Variants in CEP290 observed in about 807,000 individuals in gnomAD.
CEP290 encodes the protein centrosomal protein 290.
In CEP290, 317 loss-of-function variants were observed where a neutral mutation model predicts 344.9. The ratio of observed to expected loss-of-function variants is 0.92; its 90% confidence interval spans 0.84 to 1.01. The LOEUF is 1.01. Among genes scored for constraint, CEP290 ranks in the 50% least tolerant of loss-of-function variants. The probability of loss-of-function intolerance (pLI) is 0.00; values close to 1 mark genes in which losing one functional copy is unlikely to be tolerated. For missense variants in CEP290, 2,754 were observed against 2,761.4 expected (o/e 1.00, Z 0.06); for synonymous variants, 932 against 895.8 (o/e 1.04, Z -0.72).
In CEP290 at chr12:88,115,202, TA is replaced by T; in HGVS notation, c.1825-21del. The stretch of plus-strand genomic sequence containing the variant: ...TTCATTCTGAAAAAAGCAGAGAGAA[TA>T]AAATTGATTTTTTTCAACAAAATAT... On this transcript the variant is annotated intron_variant, in intron 18 of 53. Coordinates refer to ENST00000552810, the MANE Select transcript of CEP290 (RefSeq NM_025114.4). The T allele has an allele frequency of 7.9e-7, 1 of 1,266,736 alleles. No homozygotes were observed. The highest frequency in any genetic ancestry group is 1.4e-5 in the South Asian group (1 of 71,880). The allele number at this position is 1,266,736 out of a possible 1,614,324, so 78.5% of individuals were successfully genotyped here.
Position 88,089,183 on chromosome 12 carries a change from A to C in CEP290, c.3878T>G (p.Leu1293Arg). Residue 1293 changes from leucine to arginine, a missense_variant, in exon 31 of 54, where the codon CTA (leucine) becomes CGA (arginine). Leu to Arg is a moderately radical substitution (Grantham distance 102). Coordinates refer to ENST00000552810, the MANE Select transcript of CEP290 (RefSeq NM_025114.4). ...CATTATCTTAAGTTTGTCATTTTGTAGTTGAATCATTGTTTTGGAGAACTT... is the reference window on the plus strand; with the variant it reads ...CATTATCTTAAGTTTGTCATTTTGTCGTTGAATCATTGTTTTGGAGAACTT... ...QEKFSKTMIQ[L>R]QNDKLKIMQE... is the part of the protein sequence containing the mutation. The C allele has an allele frequency of 3.7e-6, 6 of 1,612,682 alleles. 1 individual carries two copies. The Middle Eastern group carries it at 8.3e-4, about 222-fold the overall frequency.
intron 26 of CEP290, among the ~76,000 whole-genome samples, chr12:88,098,195 C>G (rs995569231): frequency 2.0e-5 from 3 of 151,830 alleles, no homozygotes; most frequent in African/African-American, 7.3e-5. Context: ...ATCCCAGCTA[C>G]TCAGGAGACT....
intron 43 of CEP290, among the ~76,000 whole-genome samples, chr12:88,070,645 T>G (rs1592779631): frequency 6.6e-6 from 1 of 152,250 alleles, no homozygotes; most frequent in Admixed American, 6.5e-5. Context: ...CGTTTTTTTC[T>G]TCCTCTTTCT....
rs1565821736 is a variant in CEP290, at chr12:88,077,316, CT to C, written c.5614del (p.Ser1872ValfsTer2). On this transcript the variant is annotated frameshift_variant, in exon 41 of 54. Transcript: ENST00000552810. LOFTEE classifies it high-confidence loss of function. ...QGKPLTDNKQ[S>X]LIEELQRKVK... ...TTTCCTTTGGAGTTCTTCAATTAGA[CT>C]TTGTTTATTATCTGTCAGGGGTTTG... 6 of 1,579,692 alleles carry C rather than the reference CT, an allele frequency of 3.8e-6. No homozygotes were observed. In the Admixed American group the frequency reaches 1.1e-4, roughly 28 times the overall value.
At chr12:88,097,610 TACAC>T (rs34989046) in intron 26 of CEP290, among the ~76,000 whole-genome samples, 3,788 of 144,302 alleles carry the variant, frequency 0.026, 81 homozygotes, top group African/African-American at 0.062. Flanking sequence ...CACACACACA[TACAC>T]ACACACACAC....
intron 23 of CEP290, among the ~76,000 whole-genome samples, chr12:88,107,611 CAA>C (rs1202005069): frequency 6.8e-4 from 81 of 119,770 alleles, no homozygotes; most frequent in Admixed American, 7.9e-4. Flanking sequence ...GTTCTTAGTG[CAA>C]AAAAAAAAAA....
Position 88,063,922 on chromosome 12 carries a change from T to C in CEP290, c.6270+59A>G. 3 of 1,407,808 alleles carry C rather than the reference T, an allele frequency of 2.1e-6. No homozygotes were observed. In the South Asian group the frequency reaches 4.2e-5, roughly 20 times the overall value. The allele number at this position is 1,407,808 out of a possible 1,614,324, so 87.2% of individuals were successfully genotyped here. On this transcript the variant is annotated intron_variant, in intron 45 of 53. Coordinates refer to ENST00000552810, the MANE Select transcript of CEP290 (RefSeq NM_025114.4). ...CTTAATAAGCTAATAAAAGTAAACA[T>C]AACAACTAAGGAAGGAGTTTTAGGC...
In CEP290 at chr12:88,138,435, C is replaced by T. The variant is rs940643520; in HGVS notation, c.297+710G>A. 3.9e-5 allele frequency among the ~76,000 whole-genome samples: 6 copies of T among 152,164 alleles called. No homozygotes were observed. In the South Asian group the frequency reaches 6.2e-4, roughly 16 times the overall value. On this transcript the variant is annotated intron_variant, in intron 5 of 53. Transcript: ENST00000552810. ...TCAAAAACAATAGGTCATCCAAGTT[C>T]AGAGAGTTAACGAGTAGAAGAATCA...
intron 17 of CEP290, 112 bp from the exon 18 acceptor site, chr12:88,117,257 G>C: frequency 1.7e-6 from 1 of 578,288 alleles, no homozygotes; most frequent in East Asian, 3.3e-5. Flanking sequence ...TAGAATAATT[G>C]TTTCCAAAAT....
intron 45 of CEP290, among the ~76,000 whole-genome samples, 197 bp from the exon 46 acceptor site, chr12:88,062,975 G>A (rs2136789884): frequency 6.6e-6 from 1 of 152,036 alleles, no homozygotes. Context: ...GAAATGTCAA[G>A]GTATTTCCCA....
chr12:88,114,410 A>G lies in CEP290; in HGVS notation c.2052+10T>C. ...AGGGGAAAAACATTAACATGAAAAA[A>G]ATAACTTACATTAACTAGTCTTTCA... On this transcript the variant is annotated intron_variant, in intron 20 of 53. Transcript: ENST00000552810. 1 of 1,536,442 alleles carries G rather than the reference A, an allele frequency of 6.5e-7. No homozygotes were observed. The highest frequency in any genetic ancestry group is 8.8e-7 in the Non-Finnish European group (1 of 1,141,066).
intron 48 of CEP290, 53 bp from the exon 49 acceptor site, chr12:88,059,073 T>C (rs2034250125): frequency 1.8e-5 from 25 of 1,391,556 alleles, no homozygotes; most frequent in Non-Finnish European, 2.3e-5. Context: ...ACTGTTCTCA[T>C]AGATTCAGTG....
intron 13 of CEP290, among the ~76,000 whole-genome samples, chr12:88,123,870 C>T (rs1018803888): frequency 2.6e-5 from 4 of 152,062 alleles, no homozygotes; most frequent in African/African-American, 4.8e-5. Flanking sequence ...ACCTGCTCTT[C>T]CCACAACCCC....
rs763652148 is a variant in CEP290 at position 88,061,066 on chromosome 12, A to G, written c.6358-72T>C. 9 of 1,111,176 alleles carry G rather than the reference A, an allele frequency of 8.1e-6. No individual in the cohort carries two copies. In the African/African-American group the frequency reaches 1.1e-4, roughly 14 times the overall value. 68.8% of individuals were successfully genotyped at this position (1,111,176 alleles called of 1,614,324 possible). A position where few individuals can be genotyped will look rare whatever the true frequency, so the allele number is the denominator to read the frequency against. On this transcript the variant is annotated intron_variant, in intron 46 of 53. Transcript: ENST00000552810. ...TAATACGAAGTACCAACAATACAAC[A>G]GGCTTATTATACTCAATAATTCCTA...
intron 7 of CEP290, among the ~76,000 whole-genome samples, chr12:88,130,915 C>G (rs1178530545): frequency 6.6e-6 from 1 of 151,906 alleles, no homozygotes; most frequent in East Asian, 1.9e-4. Context: ...AGAAAACTAG[C>G]AAAGAATGGC....
At chr12:88,069,685 T>A (rs2035217559) in intron 43 of CEP290, among the ~76,000 whole-genome samples, 2 of 152,180 alleles carry the variant, frequency 1.3e-5, no homozygotes, top group African/African-American at 4.8e-5. Context: ...CATGAGAGTG[T>A]TCGTTTAAAT....
At chr12:88,092,109 T>G (rs940482899) in intron 29 of CEP290, among the ~76,000 whole-genome samples, 3 of 152,140 alleles carry the variant, frequency 2.0e-5, no homozygotes, top group East Asian at 3.9e-4. Flanking sequence ...ATATATATTT[T>G]GTGTTCTAAA....
chr12:88,107,806 G>A (rs2038397038), intron 23 of CEP290, among the ~76,000 whole-genome samples: 1 of 151,832 alleles, frequency 6.6e-6, no homozygotes, highest in African/African-American at 2.4e-5. Flanking sequence ...GGAGGCTGAG[G>A]CAAGAAAATA....
rs137896968 is a variant in CEP290, at chr12:88,137,660, C to A, written c.298-874G>T. On this transcript the variant is annotated intron_variant, in intron 5 of 53. Coordinates refer to ENST00000552810, the MANE Select transcript of CEP290 (RefSeq NM_025114.4). ...ATATTTCACATCCTCAGATTCTTTA[C>A]TGAATCCTCCTTTCCATCTCCTTGG... Among the ~76,000 whole-genome samples, 264 of 152,294 alleles carry A rather than the reference C, an allele frequency of 1.7e-3. 2 individuals are homozygous for A. Among genetic ancestry groups the A allele is most frequent in the African/African-American group, 6.1e-3 (254 of 41,574 alleles).
Sources: allele counts gnomAD v4.1 joint callset (sites outside exome capture counted in the v4.1 genomes callset), GRCh38; gene constraint gnomAD v4.1.1; transcripts MANE v1.5; gene names NCBI Gene and HGNC (gene_info 2026-07-23, HGNC 2026-07-21).